SDK1: variants seen among roughly 807,000 people sequenced by gnomAD.
The protein encoded by SDK1 is sidekick cell adhesion molecule 1.
In SDK1, 157 loss-of-function variants were observed where a neutral mutation model predicts 245.5. The observed-to-expected ratio is 0.64, with a 90% CI of 0.56 to 0.73. The LOEUF (loss-of-function observed/expected upper bound fraction) is 0.73. Ranked by LOEUF, SDK1 falls within the 30% of genes least tolerant of loss-of-function variation. The pLI, the probability that SDK1 is intolerant of heterozygous loss-of-function variation, is 0.00. For synonymous variants in SDK1, 1,647 were observed against 1,278.5 expected (o/e 1.29, Z -6.15); for missense variants, 3,583 against 3,002.3 (o/e 1.19, Z -4.52).
intron 1 of SDK1, among the ~76,000 whole-genome samples, chr7:3,324,815 A>T (rs1779901344): frequency 6.6e-6 from 1 of 152,256 alleles, no homozygotes; most frequent in Non-Finnish European, 1.5e-5. Context: ...TATTAAACCT[A>T]TGCCCAGGAA....
At chr7:3,522,834 GT>G (rs1467356496) in intron 1 of SDK1, among the ~76,000 whole-genome samples, 2 of 152,098 alleles carry the variant, frequency 1.3e-5, no homozygotes, top group African/African-American at 4.8e-5. Context: ...TTGATGGGGG[GT>G]GAGGTTCGCT....
chr7:3,420,421 G>A (rs943151995), intron 1 of SDK1, among the ~76,000 whole-genome samples: 1 of 152,198 alleles, frequency 6.6e-6, no homozygotes, highest in Admixed American at 6.5e-5. Flanking sequence ...TTTTCTTTCA[G>A]AGCAATAATC....
At chr7:4,239,921 C>T (rs1311740232) in intron 42 of SDK1, among the ~76,000 whole-genome samples, 10 of 152,250 alleles carry the variant, frequency 6.6e-5, no homozygotes, top group African/African-American at 1.7e-4. Flanking sequence ...TTCCTGACCC[C>T]GACCACAAGT....
At chr7:3,952,835 T>C (rs540032833) in intron 7 of SDK1, among the ~76,000 whole-genome samples, 3 of 152,276 alleles carry the variant, frequency 2.0e-5, no homozygotes, top group Non-Finnish European at 2.9e-5. Flanking sequence ...GGAGTGTGCA[T>C]TGTACAGTGG....
intron 1 of SDK1, among the ~76,000 whole-genome samples, chr7:3,340,138 A>C (rs910092263): frequency 6.6e-6 from 1 of 151,984 alleles, no homozygotes; most frequent in African/African-American, 2.4e-5. Context: ...AGTTTTTCTC[A>C]AAAACTAAAA....
chr7:3,316,489 C>G lies in SDK1; in HGVS notation c.298+14605C>G, dbSNP rs73288342. Among the ~76,000 whole-genome samples, 1,187 of 152,274 alleles carry G rather than the reference C, an allele frequency of 7.8e-3. 19 individuals carry two copies. Among genetic ancestry groups the G allele is most frequent in the African/African-American group, 0.027 (1,118 of 41,550 alleles). The stretch of plus-strand genomic sequence containing the variant: ...ACAATGACAGAATTGCCTAATAGTG[C>G]ATTTCTTAGAGCTTATCCCCATCAT... On this transcript the variant is annotated intron_variant, in intron 1 of 44. Coordinates refer to ENST00000404826, the MANE Select transcript of SDK1 (RefSeq NM_152744.4).
At chr7:3,970,764 G>C (rs1782430222) in intron 11 of SDK1, among the ~76,000 whole-genome samples, 2 of 152,194 alleles carry the variant, frequency 1.3e-5, no homozygotes, top group Non-Finnish European at 2.9e-5. Flanking sequence ...CCCTGCCATA[G>C]CCAGGAAAAC....
chr7:4,248,458 T>C (rs1787056966), intron 44 of SDK1, among the ~76,000 whole-genome samples: 2 of 142,912 alleles, frequency 1.4e-5, no homozygotes, highest in Admixed American at 6.9e-5. Context: ...CATGCACACA[T>C]GCATACACAC....
Position 3,824,797 on chromosome 7 carries a change from A to G in SDK1, c.847+3214A>G, listed in dbSNP as rs547130329. On this transcript the variant is annotated intron_variant, in intron 5 of 44. Coordinates refer to ENST00000404826, the MANE Select transcript of SDK1 (RefSeq NM_152744.4). ...ATTTAAATTTTTTTTTAAAGAAAGC[A>G]TGACTGTTAGAACTGAGATGCAGTC... Among the ~76,000 whole-genome samples the G allele has an allele frequency of 3.9e-5, 6 of 152,334 alleles. No individual in the cohort carries two copies. In the East Asian group the frequency reaches 1.2e-3, roughly 29 times the overall value.
chr7:3,949,895 TA>T (rs1285636997), intron 5 of SDK1, among the ~76,000 whole-genome samples: 5 of 152,218 alleles, frequency 3.3e-5, no homozygotes, highest in African/African-American at 1.2e-4. Context: ...TAATTGAATA[TA>T]TTGGCTCCAG....
At chr7:3,934,504 G>T (rs1286959514) in intron 5 of SDK1, among the ~76,000 whole-genome samples, 3 of 152,362 alleles carry the variant, frequency 2.0e-5, no homozygotes, top group East Asian at 3.9e-4. Context: ...CTGAAAATGT[G>T]CATGCAAAAT....
chr7:3,370,900 C>T (rs953480573), intron 1 of SDK1, among the ~76,000 whole-genome samples: 1 of 152,166 alleles, frequency 6.6e-6, no homozygotes, highest in African/African-American at 2.4e-5. Flanking sequence ...CCTCTGTCTC[C>T]ACTAGCTCCT....
intron 1 of SDK1, among the ~76,000 whole-genome samples, chr7:3,403,180 C>T (rs751149246): frequency 6.6e-5 from 10 of 152,050 alleles, no homozygotes; most frequent in African/African-American, 9.7e-5. Context: ...GTGATCTGCC[C>T]GCCTTAGCCT....
At chr7:3,969,911 A>G (rs1422446972) in intron 11 of SDK1, among the ~76,000 whole-genome samples, 1 of 152,242 alleles carries the variant, frequency 6.6e-6, no homozygotes, top group Non-Finnish European at 1.5e-5. Flanking sequence ...AGGAACAACT[A>G]AGACACTTCT....
chr7:3,590,837 C>A (rs1341008348), intron 1 of SDK1, among the ~76,000 whole-genome samples: 1 of 145,814 alleles, frequency 6.9e-6, no homozygotes, highest in Non-Finnish European at 1.5e-5. Context: ...GGCTGGAGTG[C>A]AGTGGCATGA....
At chr7:3,415,894 G>A (rs1178644621) in intron 1 of SDK1, among the ~76,000 whole-genome samples, 1 of 152,022 alleles carries the variant, frequency 6.6e-6, no homozygotes, top group Non-Finnish European at 1.5e-5. Context: ...AGATAGGGCA[G>A]GACTAATGAA....
chr7:4,046,899 G>T (rs1478740634), intron 17 of SDK1, among the ~76,000 whole-genome samples: 1 of 151,756 alleles, frequency 6.6e-6, no homozygotes, highest in Admixed American at 6.6e-5. Flanking sequence ...ATTTAGATTG[G>T]GGTTTTATTC....
intron 40 of SDK1, among the ~76,000 whole-genome samples, chr7:4,228,248 C>T (rs984078457): frequency 6.6e-6 from 1 of 152,182 alleles, no homozygotes; most frequent in Non-Finnish European, 1.5e-5. Flanking sequence ...GGTATTTCTC[C>T]AATGGCGTTT....
chr7:4,266,310 C>T lies in SDK1; in HGVS notation c.*926C>T, dbSNP rs370660022. The T allele has an allele frequency of 4.2e-5, 41 of 985,434 alleles. No individual in the cohort carries two copies. The African/African-American group carries it at 5.8e-4, about 14-fold the overall frequency. 61.0% of individuals were successfully genotyped at this position (985,434 alleles called of 1,614,324 possible). On this transcript the variant is annotated 3_prime_UTR_variant, in exon 45 of 45. Transcript: ENST00000404826. ...GTCACATGAAATGAATGCGTCTTTG[C>T]TGTCTCCAGGTGCCTTTTTATTAAT...
Sources: gnomAD v4.1 joint callset for allele counts (sites outside exome capture counted in the v4.1 genomes callset) on GRCh38, gnomAD v4.1.1 for gene constraint, MANE v1.5 for transcripts, NCBI Gene and HGNC (gene_info 2026-07-23, HGNC 2026-07-21) for gene names.